Variants in PRC1 observed in about 807,000 individuals in gnomAD.
PRC1 encodes the protein anaphase spindle elongation 1 homolog.
Under a neutral mutation model 91.2 loss-of-function variants are expected in PRC1, and 54 were observed. That is an observed-to-expected ratio of 0.59 (90% CI 0.48 to 0.74). PRC1 has a LOEUF of 0.74. Among genes scored for constraint, PRC1 ranks in the 30% least tolerant of loss-of-function variants. The pLI is 0.00. For missense variants in PRC1, 727 were observed against 746.2 expected, an observed-to-expected ratio of 0.97 and a Z score of 0.30; for synonymous variants, 275 against 263.6, an observed-to-expected ratio of 1.04 and a Z score of -0.42.
intron 1 of PRC1, chr15:90,987,803 G>C (rs2039694003): frequency 6.6e-6 from 1 of 152,142 alleles, no homozygotes; most frequent in South Asian, 2.1e-4. Context: ...CTGTCTCAGA[G>C]CTTTCGGTGG....
Position 90,984,120 on chromosome 15 carries a change from A to G in PRC1, c.165T>C (p.Ile55=). 1 of 1,614,166 alleles carries G rather than the reference A, an allele frequency of 6.2e-7. No individual in the cohort carries two copies. Among genetic ancestry groups the G allele is most frequent in the Non-Finnish European group, 8.5e-7 (1 of 1,180,008 alleles). Residue 55 remains isoleucine (I), a synonymous_variant, in exon 3 of 15, where the codon ATT becomes ATC. Transcript: ENST00000394249. The surrounding 1 kb of genome is among the most constrained non-coding windows in gnomAD (Gnocchi z 5.1). The part of the protein sequence containing the change: ...KHIKELLDMM[I]AEEESLKERL... ...TTTCCTTCAGGCTTTCCTCTTCAGC[A>G]ATCATCATATCCAGGAGTTCCTACA... is the stretch of plus-strand genomic sequence containing the variant.
intron 11 of PRC1, among the ~76,000 whole-genome samples, chr15:90,972,446 CA>C (rs765832558): frequency 2.7e-5 from 4 of 147,678 alleles, no homozygotes; most frequent in Non-Finnish European, 6.0e-5. Context: ...TTTTATTTAT[CA>C]AAAAGAAAAA....
At position 90,966,378 on chromosome 15, in the gene PRC1, C is replaced by G. The variant is rs1296276453; in HGVS notation, c.*753G>C. Reference sequence around the variant, plus strand: ...CTCAACCCATTGGAACAAACAGACTCCCAATGTGGCTGGCAACTGCGGGGG... The same window carrying G: ...CTCAACCCATTGGAACAAACAGACTGCCAATGTGGCTGGCAACTGCGGGGG... On this transcript the variant is annotated 3_prime_UTR_variant, in exon 15 of 15. Transcript: ENST00000394249. The G allele has an allele frequency of 1.5e-5, 5 of 339,158 alleles. No homozygotes were observed. The highest frequency in any genetic ancestry group is 3.8e-5 in the Admixed American group (1 of 26,302). 21.0% of individuals were successfully genotyped at this position (339,158 alleles called of 1,614,324 possible).
Position 90,974,772 on chromosome 15 carries a change from T to C in PRC1, c.1204-41A>G. Reference sequence around the variant, plus strand: ...AGGACATGTTAATTACTTCAACTCTTTAGTGCAAAGCCCAAATGAAATGAT... The same window carrying C: ...AGGACATGTTAATTACTTCAACTCTCTAGTGCAAAGCCCAAATGAAATGAT... On this transcript the variant is annotated intron_variant, in intron 9 of 14. Transcript: ENST00000394249. The surrounding 1 kb of genome is among the most constrained non-coding windows in gnomAD (Gnocchi z 4.6). 1 of 1,609,458 alleles carries C rather than the reference T, an allele frequency of 6.2e-7. No homozygotes were observed. The highest frequency in any genetic ancestry group is 8.5e-7 in the Non-Finnish European group (1 of 1,176,140).
chr15:90,994,422 G>A lies in PRC1; in HGVS notation c.-5C>T, dbSNP rs2040176573. ...CAACCCGCACCTTCTCCTCATGGCGGACGCTCCAAGCAGCCGTGAGTCCAG... is the reference window on the plus strand; with the variant it reads ...CAACCCGCACCTTCTCCTCATGGCGAACGCTCCAAGCAGCCGTGAGTCCAG... On this transcript the variant is annotated 5_prime_UTR_variant, in exon 1 of 15. Transcript: ENST00000394249. 1.9e-6 allele frequency: 3 copies of A among 1,611,352 alleles called. No individual in the cohort carries two copies. In the East Asian group the frequency reaches 6.7e-5, roughly 36 times the overall value.
At chr15:90,973,992 T>C (rs1240408526) in intron 11 of PRC1, 144 bp downstream of exon 11, 4 of 667,034 alleles carry the variant, frequency 6.0e-6, no homozygotes, top group Non-Finnish European at 1.0e-5. Context: ...CTATACTTTG[T>C]GTCTTATTTC....
At chr15:90,985,584 A>C (rs1229180368) in intron 1 of PRC1, among the ~76,000 whole-genome samples, 1 of 138,676 alleles carries the variant, frequency 7.2e-6, no homozygotes, top group Admixed American at 7.2e-5. Context: ...TTTGAGACAG[A>C]GTCTCGCTCC....
At chr15:90,968,294 A>G in intron 14 of PRC1, 2 of 985,506 alleles carry the variant, frequency 2.0e-6, no homozygotes, top group Non-Finnish European at 2.4e-6. Flanking sequence ...TTTGAAAAAC[A>G]TGCTGGAGTA....
chr15:90,987,109 TAAAAA>T (rs34262021), intron 1 of PRC1, among the ~76,000 whole-genome samples: 3 of 125,024 alleles, frequency 2.4e-5, no homozygotes, highest in Admixed American at 8.2e-5. Flanking sequence ...CTCTGCGTCT[TAAAAA>T]AAAAAAAAAA....
intron 5 of PRC1, 101 bp from the exon 6 acceptor site, chr15:90,981,134 C>A: frequency 6.8e-7 from 1 of 1,476,918 alleles, no homozygotes; most frequent in South Asian, 1.3e-5. Flanking sequence ...GGAGGAGGCA[C>A]TTTCATGAGA....
rs897080515 is a variant in PRC1, at chr15:90,984,246, T to A, written c.145-106A>T. On this transcript the variant is annotated intron_variant, in intron 2 of 14. Coordinates refer to ENST00000394249, the MANE Select transcript of PRC1 (RefSeq NM_003981.4). This position sits in a 1 kb window ranked among gnomAD's most constrained non-coding sequence, Gnocchi z 5.1. ...TCTTTTTTCTTTTTCTTTTTTTCTTTGAGATGGAGTCTCGCTCTGTTGCCC... is the reference window on the plus strand; with the variant it reads ...TCTTTTTTCTTTTTCTTTTTTTCTTAGAGATGGAGTCTCGCTCTGTTGCCC... The A allele has an allele frequency of 4.2e-6, 6 of 1,432,468 alleles. No individual in the cohort carries two copies. The highest frequency in any genetic ancestry group is 4.7e-6 in the Non-Finnish European group (5 of 1,059,084). The allele number at this position is 1,432,468 out of a possible 1,614,324, so 88.7% of individuals were successfully genotyped here.
chr15:90,968,971 G>A, intron 14 of PRC1, 108 bp downstream of exon 14: 2 of 1,563,330 alleles, frequency 1.3e-6, no homozygotes, highest in South Asian at 2.3e-5. Flanking sequence ...TGCTTCCTTT[G>A]TAACACTGCT....
intron 6 of PRC1, 62 bp downstream of exon 6, chr15:90,980,822 T>C: frequency 6.2e-7 from 1 of 1,606,172 alleles, no homozygotes; most frequent in Non-Finnish European, 8.5e-7. Flanking sequence ...ACAACAGTCT[T>C]TATGACTAAC....
In PRC1 at chr15:90,994,500, G is replaced by A. The variant is rs1219814084; in HGVS notation, c.-83C>T. The A allele has an allele frequency of 5.9e-6, 9 of 1,522,174 alleles. No individual in the cohort carries two copies. The highest frequency in any genetic ancestry group is 8.0e-6 in the Non-Finnish European group (9 of 1,126,996). 94.3% of individuals were successfully genotyped at this position (1,522,174 alleles called of 1,614,324 possible). On this transcript the variant is annotated 5_prime_UTR_variant, in exon 1 of 15. Coordinates refer to ENST00000394249, the MANE Select transcript of PRC1 (RefSeq NM_003981.4). ...GAGCAACAACCACCCGCAAACACCG[G>A]CGATGTCACTCCGCGTAGCCGCTCC...
intron 5 of PRC1, 84 bp from the exon 6 acceptor site, chr15:90,981,117 G>A: frequency 6.4e-7 from 1 of 1,552,714 alleles, no homozygotes; most frequent in South Asian, 1.2e-5. Flanking sequence ...GAAATGTCTG[G>A]AGTAGAGGAG....
chr15:90,988,440 TC>T (rs1236019196), intron 1 of PRC1: 1 of 152,086 alleles, frequency 6.6e-6, no homozygotes, highest in Non-Finnish European at 1.5e-5. Flanking sequence ...GCTTAACTAC[TC>T]CCCTTCAAAG....
In PRC1 at chr15:90,994,438, G is replaced by A. The variant is rs377330038; in HGVS notation, c.-21C>T. ...CTCATGGCGGACGCTCCAAGCAGCC[G>A]TGAGTCCAGGTCCAGACCTACTCCA... On this transcript the variant is annotated 5_prime_UTR_variant, in exon 1 of 15. It adds an upstream start codon to the 5' untranslated region. Coordinates refer to ENST00000394249, the MANE Select transcript of PRC1 (RefSeq NM_003981.4). 3 of 1,610,544 alleles carry A rather than the reference G, an allele frequency of 1.9e-6. No individual in the cohort carries two copies. The highest frequency in any genetic ancestry group is 2.2e-5 in the South Asian group (2 of 90,636).
At chr15:90,968,020 A>G in intron 14 of PRC1, 1 of 985,220 alleles carries the variant, frequency 1.0e-6, no homozygotes, top group Non-Finnish European at 1.2e-6. Flanking sequence ...AAGATAAAGC[A>G]TGAATGGCTA....
intron 1 of PRC1, among the ~76,000 whole-genome samples, chr15:90,993,636 C>T (rs2040110796): frequency 6.6e-6 from 1 of 152,170 alleles, no homozygotes; most frequent in African/African-American, 2.4e-5. Flanking sequence ...ACCGTCTGGT[C>T]CCGATTTCAA....
Sources: allele counts gnomAD v4.1 joint callset (sites outside exome capture counted in the v4.1 genomes callset), GRCh38; gene constraint gnomAD v4.1.1; non-coding constraint Gnocchi (gnomAD v3.1); transcripts MANE v1.5; gene names NCBI Gene and HGNC (gene_info 2026-07-23, HGNC 2026-07-21).